Variants in DPP10 observed in about 807,000 individuals in gnomAD.
DPP10 encodes the protein inactive dipeptidyl peptidase 10.
DPP10 carries 33 observed loss-of-function variants against 120.9 expected under a neutral mutation model. The observed-to-expected ratio is 0.27, with a 90% CI of 0.21 to 0.37. DPP10 has a LOEUF of 0.37. Ranked by LOEUF, DPP10 falls within the 10% of genes least tolerant of loss-of-function variation. The pLI, the probability that DPP10 is intolerant of heterozygous loss-of-function variation, is 1.00. For missense variants in DPP10, 816 were observed against 942.8 expected, an observed-to-expected ratio of 0.87 and a Z score of 1.76; for synonymous variants, 337 against 326.1, an observed-to-expected ratio of 1.03 and a Z score of -0.36.
At chr2:114,464,341 A>C (rs1679174035) in intron 1 of DPP10, among the ~76,000 whole-genome samples, 1 of 152,214 alleles carries the variant, frequency 6.6e-6, no homozygotes, top group Non-Finnish European at 1.5e-5. Context: ...TTCTCTAATG[A>C]CAAATAATGC....
intron 8 of DPP10, 128 bp downstream of exon 8, chr2:115,728,064 G>T (rs1266854255): frequency 2.7e-6 from 3 of 1,098,440 alleles, no homozygotes; most frequent in East Asian, 2.8e-5. Context: ...TCTCAAAATT[G>T]CCCTCATGCT....
intron 1 of DPP10, among the ~76,000 whole-genome samples, chr2:115,280,985 T>C (rs2060134578): frequency 6.6e-6 from 1 of 152,230 alleles, no homozygotes; most frequent in African/African-American, 2.4e-5. Context: ...GAGATGAAAC[T>C]GGAATCCAAT....
At chr2:115,384,831 T>C (rs2066793270) in intron 3 of DPP10, among the ~76,000 whole-genome samples, 1 of 152,168 alleles carries the variant, frequency 6.6e-6, no homozygotes, top group Non-Finnish European at 1.5e-5. Flanking sequence ...TTTGGCTCTT[T>C]TCTCCACCCA....
intron 3 of DPP10, among the ~76,000 whole-genome samples, chr2:115,368,800 T>TTTTAA (rs1349275449): frequency 7.0e-6 from 1 of 143,780 alleles, no homozygotes; most frequent in African/African-American, 2.5e-5. Context: ...TTAATTTTAA[T>TTTTAA]TTTAATTTAA....
intron 1 of DPP10, among the ~76,000 whole-genome samples, chr2:115,107,483 T>A (rs1421192402): frequency 7.5e-6 from 1 of 133,056 alleles, no homozygotes; most frequent in Admixed American, 8.8e-5. Context: ...ATATGTCAGA[T>A]AACTAGAAAA....
At chr2:114,871,657 A>T (rs915827251) in intron 1 of DPP10, among the ~76,000 whole-genome samples, 1 of 152,106 alleles carries the variant, frequency 6.6e-6, no homozygotes, top group Non-Finnish European at 1.5e-5. Flanking sequence ...TGTGTTTTAG[A>T]TTCGAGGGGG....
At chr2:115,032,896 AAAGAAGAAG>A (rs1008331742) in intron 1 of DPP10, among the ~76,000 whole-genome samples, 4 of 151,434 alleles carry the variant, frequency 2.6e-5, no homozygotes, top group Admixed American at 2.0e-4. Flanking sequence ...AAAAAAAAAA[AAAGAAGAAG>A]AAGAAGAAGA....
chr2:114,447,357 A>G (rs530417993), intron 1 of DPP10, among the ~76,000 whole-genome samples: 2 of 152,284 alleles, frequency 1.3e-5, no homozygotes, highest in Non-Finnish European at 2.9e-5. Context: ...TGCGTTTCAC[A>G]TAGTACTTGA....
intron 5 of DPP10, among the ~76,000 whole-genome samples, chr2:115,662,397 G>T (rs1443808506): frequency 1.3e-5 from 2 of 151,052 alleles, no homozygotes; most frequent in Admixed American, 1.3e-4. Context: ...CAAGGTTGTT[G>T]TATCATAAGA....
intron 10 of DPP10, among the ~76,000 whole-genome samples, chr2:115,751,776 G>T (rs1371374554): frequency 3.3e-5 from 5 of 149,324 alleles, no homozygotes; most frequent in Non-Finnish European, 5.9e-5. Flanking sequence ...ATAAAACTGG[G>T]TTAATTAACT....
intron 5 of DPP10, among the ~76,000 whole-genome samples, chr2:115,592,247 C>T (rs982322785): frequency 5.3e-5 from 8 of 152,086 alleles, no homozygotes; most frequent in South Asian, 2.1e-4. Context: ...GGACTCAGAG[C>T]ATGCCCCACA....
intron 1 of DPP10, among the ~76,000 whole-genome samples, chr2:115,084,234 A>C (rs755535803): frequency 3.9e-5 from 6 of 152,252 alleles, no homozygotes; most frequent in Middle Eastern, 3.2e-3. Flanking sequence ...CATTTAGCAC[A>C]GTACGTGACA....
At chr2:115,626,365 T>A (rs867706830) in intron 5 of DPP10, among the ~76,000 whole-genome samples, 8 of 146,606 alleles carry the variant, frequency 5.5e-5, no homozygotes, top group South Asian at 2.1e-4. Flanking sequence ...AATTTGTCAA[T>A]TAACGTACTA....
chr2:114,474,465 A>C (rs188228709), intron 1 of DPP10, among the ~76,000 whole-genome samples: 1 of 152,302 alleles, frequency 6.6e-6, no homozygotes, highest in East Asian at 1.9e-4. Flanking sequence ...AAATGTGCCC[A>C]GTGTGGGGAA....
chr2:115,411,224 T>C (rs1717040), intron 3 of DPP10, among the ~76,000 whole-genome samples: 22,546 of 151,898 alleles, frequency 0.15, 2,502 homozygotes, highest in African/African-American at 0.31. Flanking sequence ...CTCAGCTACT[T>C]GGGAGGCTGA....
intron 1 of DPP10, among the ~76,000 whole-genome samples, chr2:114,732,247 G>T (rs1015274550): frequency 6.6e-6 from 1 of 152,190 alleles, no homozygotes; most frequent in African/African-American, 2.4e-5. Flanking sequence ...TTACATTGCA[G>T]TTAAGAAAAC....
chr2:115,450,129 T>C (rs1039946812), intron 3 of DPP10, among the ~76,000 whole-genome samples: 2 of 151,928 alleles, frequency 1.3e-5, no homozygotes, highest in Non-Finnish European at 2.9e-5. Flanking sequence ...AAGTCAAAAA[T>C]GCGTTAAATA....
intron 1 of DPP10, among the ~76,000 whole-genome samples, chr2:114,512,022 G>A (rs1393860888): frequency 1.3e-5 from 2 of 152,220 alleles, no homozygotes; most frequent in East Asian, 1.9e-4. Context: ...GCAGATGCCT[G>A]TGGAGATGAG....
At chr2:114,641,848 G>C (rs1252104760) in intron 1 of DPP10, among the ~76,000 whole-genome samples, 1 of 151,710 alleles carries the variant, frequency 6.6e-6, no homozygotes, top group Non-Finnish European at 1.5e-5. Context: ...AATAGTGGTG[G>C]CTCAAAAGCA....
Sources: gnomAD v4.1 joint callset for allele counts (sites outside exome capture counted in the v4.1 genomes callset) on GRCh38, gnomAD v4.1.1 for gene constraint, MANE v1.5 for transcripts, NCBI Gene and HGNC (gene_info 2026-07-23, HGNC 2026-07-21) for gene names.